Variants in B4GALT6 observed in about 807,000 individuals in gnomAD.
B4GALT6 encodes UDP-Gal:beta-GlcNAc beta-1,4-galactosyltransferase 6.
A neutral mutation model predicts 46.3 loss-of-function variants in B4GALT6; 14 were observed. That is an observed-to-expected ratio of 0.30 (90% confidence interval 0.20 to 0.47). The LOEUF (loss-of-function observed/expected upper bound fraction) is 0.47. B4GALT6 is among the 20% of genes least tolerant of loss of function. The pLI is 0.99. For synonymous variants in B4GALT6, 168 were observed against 162.0 expected (o/e 1.04, Z -0.28); for missense variants, 386 against 480.1 (o/e 0.80, Z 1.83).
chr18:31,723,777 C>T, the B4GALT6 span, among the ~76,000 whole-genome samples: 101 of 152,322 alleles, frequency 6.6e-4, no homozygotes, highest in African/African-American at 2.4e-3. Flanking sequence ...GCCACCCTAA[C>T]TGGCGCACAT....
the B4GALT6 span, among the ~76,000 whole-genome samples, chr18:31,691,285 A>T: frequency 9.6e-6 from 1 of 104,024 alleles, no homozygotes; most frequent in Non-Finnish European, 2.1e-5. Context: ...CCTCTTACAT[A>T]ATTTTACATA....
In B4GALT6 at chr18:31,684,484, G is replaced by C; in HGVS notation, c.-58C>G. The C allele has an allele frequency of 1.3e-6, 2 of 1,586,198 alleles. No individual in the cohort carries two copies. The highest frequency in any genetic ancestry group is 1.7e-6 in the Non-Finnish European group (2 of 1,166,584). ...CTCTCAGGCCGGACTCGGGGCCACT[G>C]TCCAGGCCCTAAACTTCCATAAATG... On this transcript the variant is annotated 5_prime_UTR_variant, in exon 1 of 9. Coordinates refer to ENST00000306851, the MANE Select transcript of B4GALT6 (RefSeq NM_004775.5).
At chr18:31,626,558 G>A (rs1296844154) in intron 7 of B4GALT6, among the ~76,000 whole-genome samples, 174 bp from the exon 8 acceptor site, 4 of 152,200 alleles carry the variant, frequency 2.6e-5, no homozygotes, top group African/African-American at 9.6e-5. Context: ...AGCAGGAGGT[G>A]AGCGATCATT....
At position 31,630,862 on chromosome 18, in the gene B4GALT6, A is replaced by C. The variant is rs528512945; in HGVS notation, c.776+97T>G. ...AAAGATGATATTCTTGGGGTTCTTGAGTTCTCTCAGATTTAGGGACATAAC... is the reference window on the plus strand; with the variant it reads ...AAAGATGATATTCTTGGGGTTCTTGCGTTCTCTCAGATTTAGGGACATAAC... On this transcript the variant is annotated intron_variant, in intron 6 of 8. Coordinates refer to ENST00000306851, the MANE Select transcript of B4GALT6 (RefSeq NM_004775.5). 2.1e-5 allele frequency: 28 copies of C among 1,316,920 alleles called. No homozygotes were observed. In the African/African-American group the frequency reaches 2.7e-4, roughly 13 times the overall value. 81.6% of individuals were successfully genotyped at this position (1,316,920 alleles called of 1,614,324 possible).
the B4GALT6 span, among the ~76,000 whole-genome samples, chr18:31,714,662 G>A: frequency 6.6e-6 from 1 of 152,158 alleles, no homozygotes. Context: ...GCAAATAATG[G>A]ATATGTACCT....
intron 3 of B4GALT6, among the ~76,000 whole-genome samples, chr18:31,647,791 G>A (rs1408947374): frequency 1.3e-5 from 2 of 152,060 alleles, no homozygotes; most frequent in Admixed American, 1.3e-4. Context: ...AAAAAGAGTG[G>A]CCAGGAAGAA....
In B4GALT6 at chr18:31,625,288, T is replaced by C. The variant is rs186308077; in HGVS notation, c.*326A>G. On this transcript the variant is annotated 3_prime_UTR_variant, in exon 9 of 9. Coordinates refer to ENST00000306851, the MANE Select transcript of B4GALT6 (RefSeq NM_004775.5). ...TATATCACATATATACAAAATATGTTTAAACGGAAATAAAAGCATTCTCTT... is the reference window on the plus strand; with the variant it reads ...TATATCACATATATACAAAATATGTCTAAACGGAAATAAAAGCATTCTCTT... 5.9e-4 allele frequency: 140 copies of C among 238,356 alleles called. No homozygotes were observed. The highest frequency in any genetic ancestry group is 2.1e-3 in the Admixed American group (37 of 17,304). The allele number at this position is 238,356 out of a possible 1,614,324, so 14.8% of individuals were successfully genotyped here. A position where few individuals can be genotyped will look rare whatever the true frequency, so the allele number is the denominator to read the frequency against.
Position 31,622,963 on chromosome 18 carries a change from A to G in B4GALT6, c.*2651T>C, listed in dbSNP as rs1278725401. 1 of 151,990 alleles carries G rather than the reference A, an allele frequency of 6.6e-6. No individual in the cohort carries two copies. The highest frequency in any genetic ancestry group is 2.4e-5 in the African/African-American group (1 of 41,424). The allele number at this position is 151,990 out of a possible 1,614,324, so 9.4% of individuals were successfully genotyped here. On this transcript the variant is annotated 3_prime_UTR_variant, in exon 9 of 9. Coordinates refer to ENST00000306851, the MANE Select transcript of B4GALT6 (RefSeq NM_004775.5). ...TCCTATTAGCCCTAGGTCCACATAT[A>G]CGGGTTTCTTGACTTTGAGACTAGG...
chr18:31,696,560 C>G, the B4GALT6 span, among the ~76,000 whole-genome samples: 1 of 152,080 alleles, frequency 6.6e-6, no homozygotes, highest in Non-Finnish European at 1.5e-5. Context: ...TTATTGGTGT[C>G]TGTTTCTCAA....
upstream of B4GALT6, chr18:31,684,725 G>T (rs903809152): frequency 1.1e-5 from 12 of 1,129,898 alleles, no homozygotes; most frequent in African/African-American, 1.9e-4. Context: ...GAAAGCCGGG[G>T]AAGGGCGAGG....
At chr18:31,722,073 A>G in the B4GALT6 span, among the ~76,000 whole-genome samples, 1 of 152,214 alleles carries the variant, frequency 6.6e-6, no homozygotes, top group Non-Finnish European at 1.5e-5. Context: ...AAGATTCTGT[A>G]GTACTGAAGA....
chr18:31,684,402 G>C lies in B4GALT6; in HGVS notation c.25C>G (p.Arg9Gly), dbSNP rs1203268610. 22 of 1,613,578 alleles carry C rather than the reference G, an allele frequency of 1.4e-5. No individual in the cohort carries two copies. The highest frequency in any genetic ancestry group is 1.6e-5 in the Non-Finnish European group (19 of 1,179,740). Residue 9 changes from arginine to glycine, a missense_variant, in exon 1 of 9, where the codon CGG becomes GGG. Coordinates refer to ENST00000306851, the MANE Select transcript of B4GALT6 (RefSeq NM_004775.5). MSVLRRMM[R>G]VSNRSLLAFI... ...GCGAGGAGAGAGCGATTGGAAACCC[G>C]CATCATCCGCCTGAGCACAGACATC...
At chr18:31,660,300 C>A (rs112034387) in intron 2 of B4GALT6, among the ~76,000 whole-genome samples, 4 of 151,732 alleles carry the variant, frequency 2.6e-5, no homozygotes, top group African/African-American at 9.7e-5. Flanking sequence ...TTGTTTTTTT[C>A]TTTTTGTTTT....
chr18:31,665,216 G>A (rs1158792718), intron 2 of B4GALT6, among the ~76,000 whole-genome samples: 1 of 152,136 alleles, frequency 6.6e-6, no homozygotes, highest in Non-Finnish European at 1.5e-5. Flanking sequence ...TTCAAAATGA[G>A]ACCATAAAGG....
intron 4 of B4GALT6, among the ~76,000 whole-genome samples, chr18:31,639,247 T>G (rs1345874140): frequency 6.6e-6 from 1 of 152,134 alleles, no homozygotes; most frequent in East Asian, 1.9e-4. Flanking sequence ...TGGCTATCAA[T>G]TGGGCATGAA....
chr18:31,653,973 T>G (rs1031200794), intron 3 of B4GALT6, among the ~76,000 whole-genome samples: 1 of 152,206 alleles, frequency 6.6e-6, no homozygotes, highest in Non-Finnish European at 1.5e-5. Context: ...ATTAGCATTA[T>G]TTGAGCTTTG....
intron 1 of B4GALT6, among the ~76,000 whole-genome samples, chr18:31,673,495 C>T (rs189939632): frequency 3.2e-4 from 48 of 152,158 alleles, no homozygotes; most frequent in African/African-American, 1.2e-3. Context: ...CGAGGATGGA[C>T]ACGGGGGACA....
chr18:31,647,351 G>A (rs2074002919), intron 3 of B4GALT6, among the ~76,000 whole-genome samples: 1 of 152,020 alleles, frequency 6.6e-6, no homozygotes, highest in Admixed American at 6.6e-5. Context: ...CATCTCCAAC[G>A]CATATGTGCT....
chr18:31,640,509 G>A (rs932720967), intron 4 of B4GALT6, among the ~76,000 whole-genome samples: 19 of 152,088 alleles, frequency 1.2e-4, no homozygotes, highest in African/African-American at 4.6e-4. Context: ...AATGCTGATG[G>A]GATAGCAAAA....
Sources: gnomAD v4.1 joint callset for allele counts (sites outside exome capture counted in the v4.1 genomes callset) on GRCh38, gnomAD v4.1.1 for gene constraint, MANE v1.5 for transcripts, NCBI Gene and HGNC (gene_info 2026-07-23, HGNC 2026-07-21) for gene names.